Variants in PTGFRN observed in about 807,000 individuals in gnomAD.
PTGFRN encodes the protein prostaglandin F2 receptor negative regulator.
In PTGFRN, 35 loss-of-function variants were observed where a neutral mutation model predicts 83.2. The observed-to-expected ratio is 0.42, with a 90% CI of 0.32 to 0.56. The LOEUF is 0.56. Among genes scored for constraint, PTGFRN ranks in the 20% least tolerant of loss-of-function variants. The pLI, the probability that PTGFRN is intolerant of heterozygous loss-of-function variation, is 0.11. For synonymous variants in PTGFRN, 519 were observed against 498.6 expected, an observed-to-expected ratio of 1.04 and a Z score of -0.55; for missense variants, 1,051 against 1,179.5, an observed-to-expected ratio of 0.89 and a Z score of 1.60.
intron 1 of PTGFRN, among the ~76,000 whole-genome samples, chr1:116,930,247 T>C (rs1394238510): frequency 6.6e-6 from 1 of 152,262 alleles, no homozygotes; most frequent in Non-Finnish European, 1.5e-5. Flanking sequence ...CCTTGGCTGC[T>C]AGGGCATAAG....
chr1:116,973,309 A>T lies in PTGFRN; in HGVS notation c.2060-907A>T, dbSNP rs377103884. ...TATACTCCCAACTCTCCCACAACACATAGCCTCCCCAACCTCAGTAGTCTC... is the reference window on the plus strand; with the variant it reads ...TATACTCCCAACTCTCCCACAACACTTAGCCTCCCCAACCTCAGTAGTCTC... On this transcript the variant is annotated intron_variant, in intron 6 of 8. Transcript: ENST00000393203. 3.6e-4 allele frequency among the ~76,000 whole-genome samples: 55 copies of T among 152,198 alleles called. No individual in the cohort carries two copies. In the East Asian group the frequency reaches 8.7e-3, roughly 24 times the overall value.
In PTGFRN at chr1:116,985,720, A is replaced by G. The variant is rs1315249779; in HGVS notation, c.2473+735A>G. ...GATACTCCATCTCAAAAAAAAAAAAAAGAGACTCCTTCTGGAGTCAGTGGC... is the reference window on the plus strand; with the variant it reads ...GATACTCCATCTCAAAAAAAAAAAAGAGAGACTCCTTCTGGAGTCAGTGGC... On this transcript the variant is annotated intron_variant, in intron 8 of 8. Coordinates refer to ENST00000393203, the MANE Select transcript of PTGFRN (RefSeq NM_020440.4). Among the ~76,000 whole-genome samples, 6 of 151,154 alleles carry G rather than the reference A, an allele frequency of 4.0e-5. No individual in the cohort carries two copies. The East Asian group carries it at 1.2e-3, about 29-fold the overall frequency.
At position 116,961,168 on chromosome 1, in the gene PTGFRN, T is replaced by A; in HGVS notation, c.1214-75T>A. The A allele has an allele frequency of 7.0e-7, 1 of 1,422,784 alleles. No individual in the cohort carries two copies. The highest frequency in any genetic ancestry group is 9.4e-7 in the Non-Finnish European group (1 of 1,063,018). The allele number at this position is 1,422,784 out of a possible 1,614,324, so 88.1% of individuals were successfully genotyped here. On this transcript the variant is annotated intron_variant, in intron 4 of 8. Transcript: ENST00000393203. The surrounding 1 kb of genome is among the most constrained non-coding windows in gnomAD (Gnocchi z 5.4). ...ATTGTTAAAACAAGAGCAGTCCTTG[T>A]CTCATTCCTTTTGTTAATTCTTGCC...
At chr1:116,913,556 G>T (rs1419252270) in intron 1 of PTGFRN, among the ~76,000 whole-genome samples, 1 of 152,130 alleles carries the variant, frequency 6.6e-6, no homozygotes. Context: ...TCTGGGTGCT[G>T]CCAGCCAGTC....
intron 2 of PTGFRN, 104 bp downstream of exon 2, chr1:116,942,187 C>T (rs1282690199): frequency 1.4e-6 from 2 of 1,391,850 alleles, no homozygotes; most frequent in Non-Finnish European, 1.9e-6. Flanking sequence ...AGGCTCTGCT[C>T]CCTCCTCTGT....
rs1160736876 is a variant in PTGFRN at position 116,986,085 on chromosome 1, C to T, written c.2474-716C>T. Among the ~76,000 whole-genome samples the T allele has an allele frequency of 2.0e-5, 3 of 152,288 alleles. No individual in the cohort carries two copies. The East Asian group carries it at 5.8e-4, about 29-fold the overall frequency. ...CTACTTAGCCTTTCTGATCCATTTT[C>T]TCTCGTAAAATGGGATAATAGTCTT... On this transcript the variant is annotated intron_variant, in intron 8 of 8. Coordinates refer to ENST00000393203, the MANE Select transcript of PTGFRN (RefSeq NM_020440.4).
intron 1 of PTGFRN, among the ~76,000 whole-genome samples, chr1:116,911,427 C>T (rs1649270920): frequency 6.6e-6 from 1 of 152,290 alleles, no homozygotes; most frequent in Non-Finnish European, 1.5e-5. Flanking sequence ...CTGGGGACAC[C>T]GGGGCCCACA....
chr1:116,967,347 G>C lies in PTGFRN; in HGVS notation c.2059+17G>C, dbSNP rs771335278. 1.3e-5 allele frequency: 20 copies of C among 1,598,636 alleles called. No individual in the cohort carries two copies. Among genetic ancestry groups the C allele is most frequent in the Non-Finnish European group, 1.7e-5 (20 of 1,169,618 alleles). ...AAACCTCAGGTGAGCAGTGAGCCCT[G>C]TTGAATCATAGGTGGAGCTAGAAGA... On this transcript the variant is annotated intron_variant, in intron 6 of 8. Coordinates refer to ENST00000393203, the MANE Select transcript of PTGFRN (RefSeq NM_020440.4).
At chr1:116,943,307 T>C (rs1224633117) in intron 2 of PTGFRN, among the ~76,000 whole-genome samples, 6 of 152,232 alleles carry the variant, frequency 3.9e-5, no homozygotes, top group African/African-American at 7.2e-5. Flanking sequence ...GACACTCTTG[T>C]ATTGGAGCTA....
At chr1:116,928,731 C>T (rs1649718154) in intron 1 of PTGFRN, among the ~76,000 whole-genome samples, 2 of 152,170 alleles carry the variant, frequency 1.3e-5, no homozygotes, top group South Asian at 2.1e-4. Flanking sequence ...CATCTGAACT[C>T]CTTTCTACTA....
chr1:116,924,667 C>G (rs1027314657), intron 1 of PTGFRN, among the ~76,000 whole-genome samples: 1 of 152,214 alleles, frequency 6.6e-6, no homozygotes, highest in Non-Finnish European at 1.5e-5. Flanking sequence ...CAGCCACATG[C>G]TCTGCGCTTT....
chr1:116,910,419 CG>C (rs1260319656), intron 1 of PTGFRN, among the ~76,000 whole-genome samples, 167 bp downstream of exon 1: 2 of 150,232 alleles, frequency 1.3e-5, no homozygotes, highest in Non-Finnish European at 3.0e-5. Context: ...GGAGCGGCCG[CG>C]GGGCCGCCCG....
chr1:116,964,246 A>G (rs975511345), intron 5 of PTGFRN, among the ~76,000 whole-genome samples: 1 of 152,228 alleles, frequency 6.6e-6, no homozygotes, highest in Non-Finnish European at 1.5e-5. Context: ...TACCTACTCA[A>G]ATCAGGCTTT....
chr1:116,914,610 C>A (rs1017309985), intron 1 of PTGFRN, among the ~76,000 whole-genome samples: 3 of 151,980 alleles, frequency 2.0e-5, no homozygotes. Context: ...AAAAGTTAGC[C>A]GGGTATGGTG....
chr1:116,981,538 G>T (rs979934307), intron 7 of PTGFRN, among the ~76,000 whole-genome samples: 2 of 152,222 alleles, frequency 1.3e-5, no homozygotes, highest in African/African-American at 4.8e-5. Context: ...CCTGAGCAGG[G>T]GACTGGGTAA....
intron 1 of PTGFRN, among the ~76,000 whole-genome samples, chr1:116,922,535 C>A (rs1243638239): frequency 6.6e-6 from 1 of 152,128 alleles, no homozygotes; most frequent in African/African-American, 2.4e-5. Flanking sequence ...GGGGAAGGTA[C>A]CTTTGTTAGC....
At chr1:116,914,548 C>T (rs1649351646) in intron 1 of PTGFRN, among the ~76,000 whole-genome samples, 1 of 152,044 alleles carries the variant, frequency 6.6e-6, no homozygotes. Flanking sequence ...ATCAGGAGAT[C>T]GAGACCGGCC....
At chr1:116,913,921 C>T (rs151075574) in intron 1 of PTGFRN, among the ~76,000 whole-genome samples, 1 of 152,234 alleles carries the variant, frequency 6.6e-6, no homozygotes, top group East Asian at 1.9e-4. Context: ...TTTATTTTTG[C>T]AAATCTATTG....
Position 116,966,961 on chromosome 1 carries a change from G to A in PTGFRN, c.1690G>A (p.Gly564Arg), listed in dbSNP as rs754664799. The part of the protein sequence containing the change: ...ARQPKPFFAA[G>R]NTFEMTCKVS... ...GCAGCCAAAGCCTTTCTTTGCTGCC[G>A]GAAATACATTTGAGATGACTTGCAA... is the stretch of plus-strand genomic sequence containing the variant. Residue 564 changes from glycine (G) to arginine (R), a missense_variant, in exon 6 of 9, where the codon GGA becomes AGA. This residue lies in a region of PTGFRN where 719 missense variants were observed against 836.6 expected (regional missense o/e 0.86). Coordinates refer to ENST00000393203, the MANE Select transcript of PTGFRN (RefSeq NM_020440.4). 3.4e-5 allele frequency: 55 copies of A among 1,611,324 alleles called. No homozygotes were observed. Among genetic ancestry groups the A allele is most frequent in the Non-Finnish European group, 4.0e-5 (47 of 1,177,904 alleles).
Sources: allele counts gnomAD v4.1 joint callset (sites outside exome capture counted in the v4.1 genomes callset), GRCh38; gene constraint gnomAD v4.1.1; regional missense constraint gnomAD v4.1.1; non-coding constraint Gnocchi (gnomAD v3.1); transcripts MANE v1.5; gene names NCBI Gene and HGNC (gene_info 2026-07-23, HGNC 2026-07-21).